The following LINGO2 variants were observed in gnomAD, a reference collection of about 807,000 sequenced individuals.
LINGO2 encodes leucine rich repeat and Ig domain containing 2.
A neutral mutation model predicts 30.6 loss-of-function variants in LINGO2; 14 were observed. The ratio of observed to expected loss-of-function variants is 0.46; its 90% CI spans 0.30 to 0.72. LINGO2 has a LOEUF of 0.72. LINGO2 is among the 30% of genes least tolerant of loss of function. LINGO2 has a pLI of 0.07. For synonymous variants in LINGO2, 317 were observed against 288.5 expected (o/e 1.10, Z -1.00); for missense variants, 729 against 751.7 (o/e 0.97, Z 0.35).
At chr9:28,239,999 G>A (rs1356471830) in intron 4 of LINGO2, among the ~76,000 whole-genome samples, 1 of 151,872 alleles carries the variant, frequency 6.6e-6, no homozygotes, top group Non-Finnish European at 1.5e-5. Context: ...AGTAAACAAT[G>A]TGAAAAATAA....
At chr9:28,025,247 C>G (rs533291727) in intron 4 of LINGO2, among the ~76,000 whole-genome samples, 1 of 152,134 alleles carries the variant, frequency 6.6e-6, no homozygotes, top group Non-Finnish European at 1.5e-5. Context: ...GCTGAGAAGA[C>G]CAAGACAAAA....
chr9:29,108,122 C>T, the LINGO2 span, among the ~76,000 whole-genome samples: 7 of 152,250 alleles, frequency 4.6e-5, no homozygotes, highest in East Asian at 1.2e-3. Flanking sequence ...GCTCCTATTC[C>T]AACAGTCACT....
In LINGO2 at chr9:28,584,647, G is replaced by A. The variant is rs555542503; in HGVS notation, c.-365+85553C>T. ...AATGGATAATTATTAAGGCTCCTGC[G>A]ATGACTAATTCTTATAATAGATTTT... On this transcript the variant is annotated intron_variant, in intron 1 of 5. Coordinates refer to ENST00000379992, the Ensembl canonical transcript of LINGO2. 5.9e-5 allele frequency among the ~76,000 whole-genome samples: 9 copies of A among 152,030 alleles called. No homozygotes were observed. The East Asian group carries it at 7.7e-4, about 13-fold the overall frequency.
At chr9:28,401,682 C>G (rs557152223) in intron 2 of LINGO2, among the ~76,000 whole-genome samples, 1 of 152,244 alleles carries the variant, frequency 6.6e-6, no homozygotes, top group Admixed American at 6.5e-5. Flanking sequence ...AATGGTATTT[C>G]TGGTTCTAGG....
At chr9:28,745,495 G>A in the LINGO2 span, among the ~76,000 whole-genome samples, 1 of 152,046 alleles carries the variant, frequency 6.6e-6, no homozygotes, top group Non-Finnish European at 1.5e-5. Flanking sequence ...TTTTGTAAAT[G>A]AATGTCTTTA....
At chr9:28,820,324 C>A in the LINGO2 span, among the ~76,000 whole-genome samples, 2 of 151,124 alleles carry the variant, frequency 1.3e-5, no homozygotes, top group South Asian at 2.1e-4. Context: ...TATTAGAGAC[C>A]CTTTAGAGAA....
intron 4 of LINGO2, among the ~76,000 whole-genome samples, chr9:28,192,971 T>C (rs1004337037): frequency 2.0e-5 from 3 of 152,068 alleles, no homozygotes; most frequent in South Asian, 2.1e-4. Context: ...GAAGAGATAA[T>C]TGGGGAGACT....
the LINGO2 span, chr9:27,941,816 T>G: frequency 6.6e-6 from 1 of 152,236 alleles, no homozygotes; most frequent in Non-Finnish European, 1.5e-5. Flanking sequence ...TTTCCCTTTT[T>G]TCAATTTGCT....
intron 3 of LINGO2, among the ~76,000 whole-genome samples, chr9:28,313,231 T>C (rs1467429550): frequency 6.6e-6 from 1 of 152,164 alleles, no homozygotes; most frequent in African/African-American, 2.4e-5. Context: ...TATTGGGAAA[T>C]TGAATCATTT....
chr9:27,995,849 A>G (rs1006285485), intron 5 of LINGO2, among the ~76,000 whole-genome samples: 1 of 152,154 alleles, frequency 6.6e-6, no homozygotes, highest in African/African-American at 2.4e-5. Flanking sequence ...ACATAGTACT[A>G]AAAGTTTTAG....
intron 4 of LINGO2, among the ~76,000 whole-genome samples, chr9:28,194,157 T>G (rs944881643): frequency 6.6e-6 from 1 of 152,124 alleles, no homozygotes; most frequent in African/African-American, 2.4e-5. Flanking sequence ...AAATGAGAGA[T>G]ACTGTCGTGG....
At chr9:28,510,201 A>G in intron 1 of LINGO2, among the ~76,000 whole-genome samples, 1 of 152,188 alleles carries the variant, frequency 6.6e-6, no homozygotes, top group East Asian at 1.9e-4. Context: ...ACCCTAGAAC[A>G]ATGCAAGGCT....
At chr9:28,548,396 T>C (rs1822065628) in intron 1 of LINGO2, among the ~76,000 whole-genome samples, 1 of 151,986 alleles carries the variant, frequency 6.6e-6, no homozygotes, top group Non-Finnish European at 1.5e-5. Flanking sequence ...GAACACCACA[T>C]TACATTTATC....
chr9:28,217,912 G>C (rs1820825219), intron 4 of LINGO2, among the ~76,000 whole-genome samples: 1 of 151,702 alleles, frequency 6.6e-6, no homozygotes, highest in Admixed American at 6.6e-5. Context: ...TGAAAAACTA[G>C]AATAATTATC....
At chr9:29,174,214 A>C in the LINGO2 span, among the ~76,000 whole-genome samples, 1 of 152,112 alleles carries the variant, frequency 6.6e-6, no homozygotes, top group African/African-American at 2.4e-5. Context: ...ATATTTTTGA[A>C]GTTTCACATT....
At chr9:29,161,191 G>A in the LINGO2 span, among the ~76,000 whole-genome samples, 2 of 152,124 alleles carry the variant, frequency 1.3e-5, no homozygotes, top group African/African-American at 4.8e-5. Flanking sequence ...AGGCTGCCGA[G>A]AGGAGGCGCA....
chr9:29,007,093 T>C, the LINGO2 span, among the ~76,000 whole-genome samples: 1 of 152,158 alleles, frequency 6.6e-6, no homozygotes, highest in Non-Finnish European at 1.5e-5. Context: ...ATTTTTATTT[T>C]TGACATGAAA....
the LINGO2 span, among the ~76,000 whole-genome samples, chr9:29,004,950 A>T: frequency 6.6e-6 from 1 of 152,006 alleles, no homozygotes. Flanking sequence ...CCTTTGTATG[A>T]CTGTTGTAAA....
At chr9:28,179,509 T>C (rs964019838) in intron 4 of LINGO2, among the ~76,000 whole-genome samples, 9 of 115,622 alleles carry the variant, frequency 7.8e-5, no homozygotes, top group Admixed American at 6.2e-4. Flanking sequence ...ATATGTACTA[T>C]ATATAGTTTA....
Sources: allele counts gnomAD v4.1 joint callset (sites outside exome capture counted in the v4.1 genomes callset), GRCh38; gene constraint gnomAD v4.1.1; transcripts MANE v1.5; gene names NCBI Gene and HGNC (gene_info 2026-07-23, HGNC 2026-07-21).